MVB12B: variants seen among roughly 807,000 people sequenced by gnomAD.
MVB12B encodes the protein ESCRT-I complex subunit MVB12B.
A neutral mutation model predicts 41.6 loss-of-function variants in MVB12B; 16 were observed. The observed-to-expected ratio is 0.38, with a 90% CI of 0.26 to 0.58. MVB12B has a LOEUF of 0.58. MVB12B is among the 20% of genes least tolerant of loss of function. The pLI, the probability that MVB12B is intolerant of heterozygous loss-of-function variation, is 0.62. For synonymous variants in MVB12B, 133 were observed against 139.7 expected, an observed-to-expected ratio of 0.95 and a Z score of 0.34; for missense variants, 274 against 380.2, an observed-to-expected ratio of 0.72 and a Z score of 2.32.
At chr9:126,406,510 G>A (rs576977171) in intron 6 of MVB12B, among the ~76,000 whole-genome samples, 6 of 152,204 alleles carry the variant, frequency 3.9e-5, no homozygotes, top group Non-Finnish European at 5.9e-5. Context: ...CCCGACTCTT[G>A]AATTTTCGAA....
chr9:126,380,918 C>T, intron 2 of MVB12B, 146 bp from the exon 3 acceptor site: 1 of 582,288 alleles, frequency 1.7e-6, no homozygotes, highest in Non-Finnish European at 3.1e-6. Context: ...AAAATCTCAT[C>T]CCAGTGCCTA....
At chr9:126,370,891 C>T (rs1830317655) in intron 2 of MVB12B, among the ~76,000 whole-genome samples, 1 of 152,048 alleles carries the variant, frequency 6.6e-6, no homozygotes, top group Non-Finnish European at 1.5e-5. Context: ...TTGTACATGT[C>T]CATCTATTTC....
intron 7 of MVB12B, among the ~76,000 whole-genome samples, chr9:126,434,451 G>A (rs185066640): frequency 9.2e-5 from 14 of 152,272 alleles, no homozygotes; most frequent in African/African-American, 1.7e-4. Flanking sequence ...ATGAACGATC[G>A]CATGATCCAC....
chr9:126,329,934 C>T (rs1026817836), intron 1 of MVB12B, among the ~76,000 whole-genome samples: 9 of 151,412 alleles, frequency 5.9e-5, no homozygotes, highest in African/African-American at 9.7e-5. Flanking sequence ...CCCCCAACCC[C>T]GGCTCTCCTT....
At chr9:126,467,930 C>T (rs1025215260) in intron 7 of MVB12B, among the ~76,000 whole-genome samples, 8 of 152,278 alleles carry the variant, frequency 5.3e-5, no homozygotes, top group Middle Eastern at 3.4e-3. Flanking sequence ...TCTGAACTGC[C>T]GTTGCCTCAG....
intron 3 of MVB12B, among the ~76,000 whole-genome samples, chr9:126,384,981 C>CA (rs1473602711): frequency 6.6e-6 from 1 of 151,384 alleles, no homozygotes; most frequent in Non-Finnish European, 1.5e-5. Context: ...GGACTACATG[C>CA]ATGAGTGCCA....
At chr9:126,483,789 C>T (rs1483496958) in intron 8 of MVB12B, among the ~76,000 whole-genome samples, 184 bp from the exon 9 acceptor site, 1 of 152,206 alleles carries the variant, frequency 6.6e-6, no homozygotes, top group Non-Finnish European at 1.5e-5. Context: ...CAGGCTCTAT[C>T]ATCACTTCTC....
chr9:126,404,276 A>C (rs1018679669), intron 6 of MVB12B, among the ~76,000 whole-genome samples: 2 of 152,190 alleles, frequency 1.3e-5, no homozygotes, highest in Non-Finnish European at 2.9e-5. Flanking sequence ...TTCTAATAAT[A>C]GCTCTGTGAG....
chr9:126,482,205 C>T (rs1233740284), intron 8 of MVB12B, among the ~76,000 whole-genome samples: 2 of 152,280 alleles, frequency 1.3e-5, no homozygotes, highest in Admixed American at 6.5e-5. Context: ...CTCCCAGCTG[C>T]GCAGGCTTGC....
intron 7 of MVB12B, among the ~76,000 whole-genome samples, chr9:126,441,314 C>T (rs767876861): frequency 2.0e-4 from 31 of 152,280 alleles, no homozygotes; most frequent in Admixed American, 4.6e-4. Flanking sequence ...TTCATCTGAC[C>T]ATCAATGAAT....
Position 126,340,491 on chromosome 9 carries a change from T to C in MVB12B, c.82-17T>C, listed in dbSNP as rs974652941. 8.1e-6 allele frequency: 13 copies of C among 1,612,372 alleles called. No homozygotes were observed. The highest frequency in any genetic ancestry group is 1.1e-5 in the Non-Finnish European group (13 of 1,179,182). On this transcript the variant is annotated splice_polypyrimidine_tract_variant and intron_variant, in intron 1 of 9. Coordinates refer to ENST00000361171, the MANE Select transcript of MVB12B (RefSeq NM_033446.3). This position sits in a 1 kb window ranked among gnomAD's most constrained non-coding sequence, Gnocchi z 4.0. ...TATGTTTGAATTTTGTGTTTTCTTT[T>C]TCCTTTGCTGAACCAGGACCAGTCC...
chr9:126,410,846 C>T (rs2068437440), intron 6 of MVB12B, among the ~76,000 whole-genome samples: 1 of 151,882 alleles, frequency 6.6e-6, no homozygotes, highest in African/African-American at 2.4e-5. Flanking sequence ...AGTGCCTGGC[C>T]TGTAGTAGAC....
chr9:126,357,763 C>T (rs1278031697), intron 2 of MVB12B, among the ~76,000 whole-genome samples: 4 of 152,098 alleles, frequency 2.6e-5, no homozygotes, highest in African/African-American at 9.7e-5. Flanking sequence ...TATTTTCTCC[C>T]AGTCTGTAGC....
chr9:126,464,652 A>C (rs960328583), intron 7 of MVB12B, among the ~76,000 whole-genome samples: 1 of 152,158 alleles, frequency 6.6e-6, no homozygotes, highest in Non-Finnish European at 1.5e-5. Context: ...CTCTGTGTGG[A>C]GCTTGCCTTC....
chr9:126,371,498 T>A (rs1467067443), intron 2 of MVB12B, among the ~76,000 whole-genome samples: 1 of 152,228 alleles, frequency 6.6e-6, no homozygotes, highest in Non-Finnish European at 1.5e-5. Context: ...TTGCTGGGAA[T>A]AGGGACCTGC....
intron 7 of MVB12B, 76 bp from the exon 8 acceptor site, chr9:126,481,293 G>T: frequency 8.2e-7 from 1 of 1,222,300 alleles, no homozygotes; most frequent in Non-Finnish European, 1.2e-6. Flanking sequence ...TCTCTGTTTC[G>T]ACATCTTCAG....
intron 7 of MVB12B, among the ~76,000 whole-genome samples, chr9:126,461,391 A>G (rs1268483538): frequency 6.6e-6 from 1 of 152,192 alleles, no homozygotes; most frequent in African/African-American, 2.4e-5. Context: ...AAAGAGCTAA[A>G]CAGAAAGTCT....
chr9:126,451,212 TC>T (rs1832881972), intron 7 of MVB12B, among the ~76,000 whole-genome samples: 1 of 152,166 alleles, frequency 6.6e-6, no homozygotes, highest in Non-Finnish European at 1.5e-5. Flanking sequence ...GGCCTCAGCG[TC>T]TTTGACTGTA....
chr9:126,343,367 A>T (rs1829501500), intron 2 of MVB12B, among the ~76,000 whole-genome samples: 1 of 152,256 alleles, frequency 6.6e-6, no homozygotes, highest in South Asian at 2.1e-4. Flanking sequence ...TATGTCATAG[A>T]TGACTAGTGT....
Sources: gnomAD v4.1 joint callset for allele counts (sites outside exome capture counted in the v4.1 genomes callset) on GRCh38, gnomAD v4.1.1 for gene constraint, Gnocchi (gnomAD v3.1) non-coding constraint, MANE v1.5 for transcripts, NCBI Gene and HGNC (gene_info 2026-07-23, HGNC 2026-07-21) for gene names.